Variants in GPC6 observed in about 807,000 individuals in gnomAD.
The protein encoded by GPC6 is glypican 6, also known as glypican-6.
Under a neutral mutation model 55.2 loss-of-function variants are expected in GPC6, and 14 were observed. The ratio of observed to expected loss-of-function variants is 0.25; its 90% CI spans 0.17 to 0.40. The LOEUF is 0.40. Ranked by LOEUF, GPC6 falls within the 10% of genes least tolerant of loss-of-function variation. The pLI is 1.00. For missense variants in GPC6, 641 were observed against 708.5 expected, an observed-to-expected ratio of 0.90 and a Z score of 1.08; for synonymous variants, 278 against 259.6, an observed-to-expected ratio of 1.07 and a Z score of -0.68.
chr13:93,978,535 T>C (rs896647166), intron 3 of GPC6, among the ~76,000 whole-genome samples: 6 of 152,162 alleles, frequency 3.9e-5, no homozygotes, highest in Non-Finnish European at 7.4e-5. Flanking sequence ...TATGAATATA[T>C]GCATCTACAT....
intron 4 of GPC6, among the ~76,000 whole-genome samples, chr13:94,210,818 T>G (rs151277434): frequency 6.6e-6 from 1 of 152,334 alleles, no homozygotes; most frequent in African/African-American, 2.4e-5. Context: ...GTGGAAAAGC[T>G]CTAACTACAA....
intron 2 of GPC6, among the ~76,000 whole-genome samples, chr13:93,655,803 T>A (rs924844746): frequency 6.6e-6 from 1 of 152,218 alleles, no homozygotes; most frequent in Non-Finnish European, 1.5e-5. Flanking sequence ...AATAGGGAAC[T>A]TGGCTTTCCT....
chr13:94,119,761 G>A (rs1263390390), intron 4 of GPC6, among the ~76,000 whole-genome samples: 3 of 152,072 alleles, frequency 2.0e-5, no homozygotes. Context: ...TTACTCAGCA[G>A]TATGCTAGTA....
intron 5 of GPC6, among the ~76,000 whole-genome samples, chr13:94,292,760 T>A (rs1408638506): frequency 6.6e-6 from 1 of 152,164 alleles, no homozygotes; most frequent in Non-Finnish European, 1.5e-5. Flanking sequence ...ATAATTGAGA[T>A]CATGAATAAG....
At position 94,356,893 on chromosome 13, in the gene GPC6, C is replaced by T. The variant is rs1878824695; in HGVS notation, c.1153-25521C>T. ...CTCTGGCCTGAACAACAGAGTGAGA[C>T]CCTGTCTCAAAAAAAGAAAAGGTAA... On this transcript the variant is annotated intron_variant, in intron 6 of 8. Transcript: ENST00000377047. 3.3e-5 allele frequency among the ~76,000 whole-genome samples: 5 copies of T among 151,948 alleles called. No homozygotes were observed. In the South Asian group the frequency reaches 1.0e-3, roughly 32 times the overall value.
intron 7 of GPC6, among the ~76,000 whole-genome samples, chr13:94,391,149 T>C (rs965180562): frequency 6.6e-6 from 1 of 152,172 alleles, no homozygotes; most frequent in African/African-American, 2.4e-5. Context: ...CCCAAACCAT[T>C]TCCTGCCTCA....
At chr13:93,280,845 G>A (rs1877925704) in intron 1 of GPC6, among the ~76,000 whole-genome samples, 1 of 152,196 alleles carries the variant, frequency 6.6e-6, no homozygotes, top group African/African-American at 2.4e-5. Context: ...ATTCTCATAA[G>A]GAGTCCACAG....
Position 93,679,025 on chromosome 13 carries a change from A to G in GPC6, c.319+133604A>G, listed in dbSNP as rs534201365. Among the ~76,000 whole-genome samples the G allele has an allele frequency of 1.4e-4, 22 of 152,250 alleles. No individual in the cohort carries two copies. In the East Asian group the frequency reaches 3.7e-3, roughly 25 times the overall value. ...CCTCTACATTCTCCTGAAGAGCTCT[A>G]TTCTGATTTTCATTTTTGATTTATA... is the stretch of plus-strand genomic sequence containing the variant. On this transcript the variant is annotated intron_variant, in intron 2 of 8. Transcript: ENST00000377047.
At chr13:93,420,046 GAAC>G (rs1876870122) in intron 1 of GPC6, among the ~76,000 whole-genome samples, 1 of 151,994 alleles carries the variant, frequency 6.6e-6, no homozygotes, top group African/African-American at 2.4e-5. Context: ...ACACACGATA[GAAC>G]AACATTGTTT....
At chr13:94,303,140 A>G (rs940546424) in intron 5 of GPC6, among the ~76,000 whole-genome samples, 2 of 152,212 alleles carry the variant, frequency 1.3e-5, no homozygotes, top group African/African-American at 4.8e-5. Flanking sequence ...CACAGACCAG[A>G]AGAGTGTGCA....
At chr13:93,933,484 G>A (rs568422530) in intron 3 of GPC6, among the ~76,000 whole-genome samples, 1 of 152,104 alleles carries the variant, frequency 6.6e-6, no homozygotes, top group East Asian at 1.9e-4. Flanking sequence ...CCTCGGACAG[G>A]TCATGCCATC....
At position 93,422,196 on chromosome 13, in the gene GPC6, G is replaced by A. The variant is rs144680778; in HGVS notation, c.161-123067G>A. On this transcript the variant is annotated intron_variant, in intron 1 of 8. Transcript: ENST00000377047. ...GATTATTCCATCTCAAAAAGACCAA[G>A]GTGTTTTTCTTCAAATGGAAAAGTC... Among the ~76,000 whole-genome samples, 1,445 of 151,818 alleles carry A rather than the reference G, an allele frequency of 9.5e-3. 27 individuals are homozygous for A. Among genetic ancestry groups the A allele is most frequent in the African/African-American group, 0.034 (1,390 of 41,172 alleles).
intron 4 of GPC6, among the ~76,000 whole-genome samples, chr13:94,118,495 A>G (rs1207386937): frequency 1.3e-5 from 2 of 151,968 alleles, no homozygotes; most frequent in Admixed American, 6.6e-5. Flanking sequence ...CGATCAGGAG[A>G]GTCTTAGATA....
intron 1 of GPC6, among the ~76,000 whole-genome samples, chr13:93,314,748 T>TGC (rs1322417774): frequency 4.6e-4 from 39 of 85,534 alleles, no homozygotes; most frequent in African/African-American, 1.6e-3. Flanking sequence ...TGTGTGTGTG[T>TGC]GTGTGTGTGC....
chr13:93,236,719 A>G (rs545093598), intron 1 of GPC6, among the ~76,000 whole-genome samples: 51 of 152,108 alleles, frequency 3.4e-4, no homozygotes, highest in Admixed American at 2.3e-3. Flanking sequence ...CTTTTATGAA[A>G]CCATTCCCTG....
At chr13:93,904,615 A>G (rs961503642) in intron 3 of GPC6, among the ~76,000 whole-genome samples, 2 of 152,100 alleles carry the variant, frequency 1.3e-5, no homozygotes, top group Non-Finnish European at 2.9e-5. Context: ...ATGCATGCCT[A>G]TTGTCCCAGC....
chr13:93,848,468 T>G (rs1888279487), intron 3 of GPC6, among the ~76,000 whole-genome samples: 1 of 152,060 alleles, frequency 6.6e-6, no homozygotes, highest in Non-Finnish European at 1.5e-5. Flanking sequence ...AAGGCAACCC[T>G]CCCAGTCATT....
intron 1 of GPC6, among the ~76,000 whole-genome samples, chr13:93,410,408 C>A (rs1876452268): frequency 6.6e-6 from 1 of 152,142 alleles, no homozygotes; most frequent in Non-Finnish European, 1.5e-5. Flanking sequence ...GCTGGTAAAG[C>A]TATGATCACT....
Position 93,313,327 on chromosome 13 carries a change from T to C in GPC6, c.160+85711T>C, listed in dbSNP as rs533242490. Among the ~76,000 whole-genome samples the C allele has an allele frequency of 7.9e-5, 12 of 152,226 alleles. 1 individual carries two copies. The highest frequency in any genetic ancestry group is 2.4e-4 in the African/African-American group (10 of 41,572). On this transcript the variant is annotated intron_variant, in intron 1 of 8. Transcript: ENST00000377047. Reference sequence around the variant, plus strand: ...CCTTGGATAACTACTTCCAATCTAGTATTTGAATGGCAAACAACTAAGCAA... The same window carrying C: ...CCTTGGATAACTACTTCCAATCTAGCATTTGAATGGCAAACAACTAAGCAA...
Sources: allele counts gnomAD v4.1 joint callset (sites outside exome capture counted in the v4.1 genomes callset), GRCh38; gene constraint gnomAD v4.1.1; transcripts MANE v1.5; gene names NCBI Gene and HGNC (gene_info 2026-07-23, HGNC 2026-07-21).